ADGRB3: variants seen among roughly 807,000 people sequenced by gnomAD.
ADGRB3 encodes the protein adhesion G protein-coupled receptor B3, also known as brain-specific angiogenesis inhibitor 3.
A neutral mutation model predicts 193.4 loss-of-function variants in ADGRB3; 37 were observed. That is an observed-to-expected ratio of 0.19 (90% CI 0.15 to 0.25). The LOEUF is 0.25. Among genes scored for constraint, ADGRB3 ranks in the 10% least tolerant of loss-of-function variants. The pLI is 1.00. For synonymous variants in ADGRB3, 690 were observed against 644.2 expected (o/e 1.07, Z -1.08); for missense variants, 1,637 against 1,852.9 (o/e 0.88, Z 2.14).
At chr6:68,932,038 C>T (rs929537628) in intron 4 of ADGRB3, among the ~76,000 whole-genome samples, 3 of 152,100 alleles carry the variant, frequency 2.0e-5, no homozygotes, top group Non-Finnish European at 4.4e-5. Context: ...AAATGTATTT[C>T]TCTCCTTTAC....
chr6:69,318,300 T>A (rs191809475), intron 20 of ADGRB3, among the ~76,000 whole-genome samples: 41 of 151,610 alleles, frequency 2.7e-4, no homozygotes, highest in Non-Finnish European at 3.0e-5. Context: ...ATTTGGGTTC[T>A]GAATTATATC....
At chr6:69,085,268 T>C (rs1179690690) in intron 17 of ADGRB3, among the ~76,000 whole-genome samples, 2 of 152,082 alleles carry the variant, frequency 1.3e-5, no homozygotes, top group Non-Finnish European at 2.9e-5. Flanking sequence ...AAATCAATAA[T>C]AGCAAAACTT....
chr6:69,296,483 G>T (rs1767820148), intron 20 of ADGRB3, among the ~76,000 whole-genome samples: 2 of 152,190 alleles, frequency 1.3e-5, no homozygotes, highest in African/African-American at 2.4e-5. Context: ...GTCTTCCTTA[G>T]AAATAATTAG....
Position 69,062,939 on chromosome 6 carries a change from A to G in ADGRB3, c.2339A>G (p.Tyr780Cys). The change falls in exon 16 of 32, where the codon TAT becomes TGT. Residue 780 changes from tyrosine to cysteine, a missense_variant. Transcript: ENST00000370598. ...LDLILPTLRNYTVINSKIIVV... is the reference protein window; with the variant it reads ...LDLILPTLRNCTVINSKIIVV... ...TTATAATTACTCTGTTGCAGAAATT[A>G]TACTGTCATTAATTCCAAAATCATC... 1 of 1,607,056 alleles carries G rather than the reference A, an allele frequency of 6.2e-7. No individual in the cohort carries two copies. Among genetic ancestry groups the G allele is most frequent in the East Asian group, 2.2e-5 (1 of 44,766 alleles).
intron 3 of ADGRB3, among the ~76,000 whole-genome samples, chr6:68,713,133 T>C (rs557719056): frequency 3.3e-5 from 5 of 152,016 alleles, no homozygotes; most frequent in African/African-American, 1.2e-4. Context: ...GTTTATGATC[T>C]AATTAGGGAT....
chr6:69,371,453 A>T (rs1481051111), intron 29 of ADGRB3, among the ~76,000 whole-genome samples: 1 of 152,060 alleles, frequency 6.6e-6, no homozygotes, highest in East Asian at 1.9e-4. Context: ...GGGAAAAATA[A>T]AACAAAATTT....
intron 4 of ADGRB3, among the ~76,000 whole-genome samples, chr6:68,934,904 C>G (rs1275270734): frequency 6.6e-6 from 1 of 152,092 alleles, no homozygotes; most frequent in Non-Finnish European, 1.5e-5. Flanking sequence ...GAAAAAAATT[C>G]TGAATTGATG....
chr6:69,091,332 A>C (rs1420924252), intron 17 of ADGRB3, among the ~76,000 whole-genome samples: 1 of 152,224 alleles, frequency 6.6e-6, no homozygotes, highest in Non-Finnish European at 1.5e-5. Flanking sequence ...ATAAAAACAC[A>C]TGCATGAGTT....
intron 20 of ADGRB3, among the ~76,000 whole-genome samples, chr6:69,292,682 G>A (rs1767715362): frequency 6.6e-6 from 1 of 151,946 alleles, no homozygotes; most frequent in Non-Finnish European, 1.5e-5. Context: ...AGGAAGCAAT[G>A]AGAAGTCAGA....
intron 3 of ADGRB3, among the ~76,000 whole-genome samples, chr6:68,827,885 C>G (rs1259832986): frequency 6.6e-6 from 1 of 152,154 alleles, no homozygotes; most frequent in African/African-American, 2.4e-5. Context: ...TGCACATGCT[C>G]TTACACTCGT....
intron 13 of ADGRB3, among the ~76,000 whole-genome samples, chr6:69,033,192 C>T (rs1701671918): frequency 6.6e-6 from 1 of 152,144 alleles, no homozygotes. Flanking sequence ...TGGTTGTCTT[C>T]TGTGGTGTAA....
intron 3 of ADGRB3, among the ~76,000 whole-genome samples, chr6:68,790,228 C>CGA (rs1767073191): frequency 6.6e-6 from 1 of 152,064 alleles, no homozygotes. Flanking sequence ...GCACAGCGTC[C>CGA]GAGATCAAAC....
chr6:68,662,463 G>C (rs999905152), intron 3 of ADGRB3, among the ~76,000 whole-genome samples: 1 of 151,630 alleles, frequency 6.6e-6, no homozygotes, highest in East Asian at 1.9e-4. Context: ...AGAATACTGA[G>C]GCTTAAGTAA....
chr6:68,726,700 A>G (rs922656736), intron 3 of ADGRB3, among the ~76,000 whole-genome samples: 1 of 151,656 alleles, frequency 6.6e-6, no homozygotes, highest in African/African-American at 2.4e-5. Flanking sequence ...TTGAGATCTG[A>G]CATCCTGTTT....
At chr6:68,793,778 C>T (rs1767153908) in intron 3 of ADGRB3, among the ~76,000 whole-genome samples, 1 of 152,146 alleles carries the variant, frequency 6.6e-6, no homozygotes, top group Non-Finnish European at 1.5e-5. Context: ...ATCTGGCTGC[C>T]TGCTCCTCCC....
chr6:69,326,899 A>G (rs1400344636), intron 21 of ADGRB3, among the ~76,000 whole-genome samples: 2 of 152,154 alleles, frequency 1.3e-5, no homozygotes, highest in Non-Finnish European at 2.9e-5. Context: ...ATATATGTAT[A>G]GTCACCAGTG....
intron 8 of ADGRB3, among the ~76,000 whole-genome samples, chr6:68,962,410 A>C (rs1768261762): frequency 6.6e-6 from 1 of 152,188 alleles, no homozygotes; most frequent in South Asian, 2.1e-4. Context: ...GATGCCCATT[A>C]TTCAAACCTG....
At chr6:68,701,062 C>A (rs777250897) in intron 3 of ADGRB3, among the ~76,000 whole-genome samples, 14 of 151,980 alleles carry the variant, frequency 9.2e-5, no homozygotes, top group Non-Finnish European at 2.1e-4. Context: ...CTTAAGTATC[C>A]TAATGAATAT....
intron 3 of ADGRB3, among the ~76,000 whole-genome samples, chr6:68,928,572 A>G (rs1460864147): frequency 1.3e-5 from 2 of 152,190 alleles, no homozygotes; most frequent in Non-Finnish European, 1.5e-5. Context: ...CATAGTCTCT[A>G]TTAAAAATAA....
Sources: allele counts gnomAD v4.1 joint callset (sites outside exome capture counted in the v4.1 genomes callset), GRCh38; gene constraint gnomAD v4.1.1; transcripts MANE v1.5; gene names NCBI Gene and HGNC (gene_info 2026-07-23, HGNC 2026-07-21).